The following RAI1 variants were observed in gnomAD, a reference collection of about 807,000 sequenced individuals.
The protein encoded by RAI1 is retinoic acid induced 1, also known as retinoic acid-induced protein 1.
Under a neutral mutation model 123.8 loss-of-function variants are expected in RAI1, and 9 were observed. The observed-to-expected ratio is 0.07, with a 90% CI of 0.04 to 0.13. The LOEUF (loss-of-function observed/expected upper bound fraction) is 0.13, where lower values mean the gene tolerates loss of function less well. RAI1 is among the 10% of genes least tolerant of loss of function. The pLI is 1.00. For missense variants in RAI1, 2,256 were observed against 2,545.8 expected, an observed-to-expected ratio of 0.89 and a Z score of 2.45; for synonymous variants, 1,231 against 1,127.3, an observed-to-expected ratio of 1.09 and a Z score of -1.84.
In RAI1 at chr17:17,811,403, G is replaced by GAAAAAA; in HGVS notation, c.*1435_*1440dup. On this transcript the variant is annotated 3_prime_UTR_variant, in exon 6 of 6. Transcript: ENST00000353383. ...GAGTAAAAAACAGTCATTGCATTCA[G>GAAAAAA]AAAAAAAAAAAAAAAAAAGTCAATA... 6.2e-6 allele frequency: 1 copy of GAAAAAA among 162,294 alleles called. No individual in the cohort carries two copies. The highest frequency in any genetic ancestry group is 1.3e-5 in the Non-Finnish European group (1 of 79,776). The allele number at this position is 162,294 out of a possible 1,614,324, so 10.1% of individuals were successfully genotyped here. A position where few individuals can be genotyped will look rare whatever the true frequency, so the allele number is the denominator to read the frequency against.
chr17:17,811,176 C>G lies in RAI1; in HGVS notation c.*1195C>G. 3.2e-6 allele frequency: 1 copy of G among 311,738 alleles called. No homozygotes were observed. The highest frequency in any genetic ancestry group is 6.3e-6 in the Non-Finnish European group (1 of 158,612). The allele number at this position is 311,738 out of a possible 1,614,324, so 19.3% of individuals were successfully genotyped here. ...AGCCCAGGGCCGCCCTAGCAACTTC[C>G]TGTACATATGACTGTAAAATGGTAA... On this transcript the variant is annotated 3_prime_UTR_variant, in exon 6 of 6. Transcript: ENST00000353383.
chr17:17,737,155 T>G (rs145328145), intron 2 of RAI1, among the ~76,000 whole-genome samples: 1 of 152,150 alleles, frequency 6.6e-6, no homozygotes, highest in Non-Finnish European at 1.5e-5. Context: ...AAGAAACAGG[T>G]CATTCTCAGA....
intron 1 of RAI1, among the ~76,000 whole-genome samples, chr17:17,691,223 G>A (rs746764470): frequency 1.1e-4 from 16 of 152,118 alleles, no homozygotes; most frequent in Non-Finnish European, 1.5e-4. Context: ...CAGCTGGGGA[G>A]GTGCTGCTGG....
Position 17,801,027 on chromosome 17 carries a change from G to A in RAI1, c.5565+2514G>A, listed in dbSNP as rs1206059100. ...GGGCTTGGGGTGCAGCTGTGTCCCT[G>A]GCCCCAGCACTGCCACACCCCTCGG... On this transcript the variant is annotated intron_variant, in intron 3 of 5. Transcript: ENST00000353383. The surrounding 1 kb of genome is among the most constrained non-coding windows in gnomAD (Gnocchi z 4.1). 6.6e-6 allele frequency among the ~76,000 whole-genome samples: 1 copy of A among 152,220 alleles called. No individual in the cohort carries two copies. Among genetic ancestry groups the A allele is most frequent in the Non-Finnish European group, 1.5e-5 (1 of 68,030 alleles).
At chr17:17,750,511 C>T (rs1180805811) in intron 2 of RAI1, among the ~76,000 whole-genome samples, 3 of 151,704 alleles carry the variant, frequency 2.0e-5, no homozygotes, top group South Asian at 2.1e-4. Flanking sequence ...CACCTGAGGT[C>T]GAGAGTTTGA....
chr17:17,774,611 G>A (rs1212686350), intron 2 of RAI1, among the ~76,000 whole-genome samples: 2 of 152,268 alleles, frequency 1.3e-5, no homozygotes, highest in East Asian at 1.9e-4. Context: ...CTGTGGGCTG[G>A]AGCCAGGTTT....
At position 17,808,386 on chromosome 17, in the gene RAI1, A is replaced by ATTATTTTATT. The variant is rs151001882; in HGVS notation, c.5660-983_5660-974dup. 1.9e-3 allele frequency among the ~76,000 whole-genome samples: 245 copies of ATTATTTTATT among 130,086 alleles called. 6 individuals carry two copies. The highest frequency in any genetic ancestry group is 7.4e-3 in the African/African-American group (223 of 30,080). The allele number at this position is 130,086 out of a possible 152,430, so 85.3% of individuals were successfully genotyped here. ...TTTATTTTATTTTATATTTTATTTTATTATTTTATTTTATTTTATTTTATT... is the reference window on the plus strand; with the variant it reads ...TTTATTTTATTTTATATTTTATTTTATTATTTTATTTTATTTTATTTTATTTTATTTTATT... On this transcript the variant is annotated intron_variant, in intron 4 of 5. Coordinates refer to ENST00000353383, the MANE Select transcript of RAI1 (RefSeq NM_030665.4).
rs1361964622 is a variant in RAI1, at chr17:17,800,304, A to G, written c.5565+1791A>G. ...ATCAAAAAATAATAACCCTCAGATC[A>G]CCAGCCCCAGCTGGCTGCCACCTCC... On this transcript the variant is annotated intron_variant, in intron 3 of 5. Transcript: ENST00000353383. The surrounding 1 kb of genome is among the most constrained non-coding windows in gnomAD (Gnocchi z 4.7). Among the ~76,000 whole-genome samples, 1 of 150,068 alleles carries G rather than the reference A, an allele frequency of 6.7e-6. No homozygotes were observed. The highest frequency in any genetic ancestry group is 2.5e-5 in the African/African-American group (1 of 40,646).
intron 1 of RAI1, among the ~76,000 whole-genome samples, chr17:17,690,664 C>T (rs117780115): frequency 6.6e-6 from 1 of 152,276 alleles, no homozygotes; most frequent in East Asian, 1.9e-4. Flanking sequence ...AATATTGTGC[C>T]TATTAGTGAT....
chr17:17,777,799 GC>G (rs1411072350), intron 2 of RAI1: 1 of 152,294 alleles, frequency 6.6e-6, no homozygotes, highest in African/African-American at 2.4e-5. Context: ...TGCAAGTTCA[GC>G]AGCATGAAAC....
rs773792703 is a variant in RAI1 at position 17,793,825 on chromosome 17, C to A, written c.877C>A (p.Leu293Ile). ...QQQQQQQQQA[L>I]QSRHHAQETL... ...GCAGCAGCAGCAGCAGCAGCAAGCC[C>A]TTCAGAGCCGGCACCATGCCCAGGA... Residue 293 changes from leucine (L) to isoleucine (I), a missense_variant, in exon 3 of 6, where the codon CTT becomes ATT. Physicochemically the swap from Leu to Ile is conservative, Grantham distance 5. Around this residue, in one of 7 missense-constraint regions of RAI1, gnomAD observed 357 missense variants for 480.2 expected, o/e 0.74. Coordinates refer to ENST00000353383, the MANE Select transcript of RAI1 (RefSeq NM_030665.4). 5 of 1,613,100 alleles carry A rather than the reference C, an allele frequency of 3.1e-6. No homozygotes were observed. In the South Asian group the frequency reaches 5.5e-5, roughly 18 times the overall value.
At chr17:17,692,870 AG>A (rs1242722105) in intron 1 of RAI1, among the ~76,000 whole-genome samples, 7 of 152,200 alleles carry the variant, frequency 4.6e-5, no homozygotes, top group Admixed American at 4.6e-4. Flanking sequence ...CCAGCTTGGC[AG>A]GGTGCAATAA....
rs373267008 is a variant in RAI1, at chr17:17,796,863, C to T, written c.3915C>T (p.Ala1305=). ...CCCCCGATGCCTGCCTCAAGCTCGCCTCTCGGGCAGCCTTCCAGGGGGCCA... is the reference window on the plus strand; with the variant it reads ...CCCCCGATGCCTGCCTCAAGCTCGCTTCTCGGGCAGCCTTCCAGGGGGCCA... ...PETPDACLKL[A]SRAAFQGAMK... Residue 1305 remains alanine, a synonymous_variant, in exon 3 of 6, where the codon GCC becomes GCT. Coordinates refer to ENST00000353383, the MANE Select transcript of RAI1 (RefSeq NM_030665.4). The surrounding 1 kb of genome is among the most constrained non-coding windows in gnomAD (Gnocchi z 5.8). 244 of 1,612,968 alleles carry T rather than the reference C, an allele frequency of 1.5e-4. No homozygotes were observed. The highest frequency in any genetic ancestry group is 1.9e-4 in the Non-Finnish European group (228 of 1,179,878).
rs1036224559 is a variant in RAI1 at position 17,799,907 on chromosome 17, C to T, written c.5565+1394C>T. Among the ~76,000 whole-genome samples, 7 of 152,200 alleles carry T rather than the reference C, an allele frequency of 4.6e-5. No individual in the cohort carries two copies. Among genetic ancestry groups the T allele is most frequent in the African/African-American group, 1.7e-4 (7 of 41,442 alleles). ...GGCCAAACCAAGGTCCCGGTGGGGG[C>T]CCACTGTGTTTGCCACCCACGCCTC... On this transcript the variant is annotated intron_variant, in intron 3 of 5. Transcript: ENST00000353383. The surrounding 1 kb of genome is among the most constrained non-coding windows in gnomAD (Gnocchi z 4.5).
chr17:17,725,867 G>C (rs1418892028), intron 2 of RAI1, among the ~76,000 whole-genome samples: 6 of 151,990 alleles, frequency 3.9e-5, no homozygotes, highest in East Asian at 1.9e-4. Context: ...TGAGAGGGAG[G>C]GGGGCGGCTA....
rs541106398 is a variant in RAI1 at position 17,809,093 on chromosome 17, G to A, written c.5660-297G>A. 30 of 499,094 alleles carry A rather than the reference G, an allele frequency of 6.0e-5. No homozygotes were observed. Among genetic ancestry groups the A allele is most frequent in the Non-Finnish European group, 9.2e-5 (25 of 271,420 alleles). 30.9% of individuals were successfully genotyped at this position (499,094 alleles called of 1,614,324 possible). On this transcript the variant is annotated intron_variant, in intron 4 of 5. Transcript: ENST00000353383. The surrounding 1 kb of genome is among the most constrained non-coding windows in gnomAD (Gnocchi z 4.9). ...GGCTGGCAGAGTAAGGCGGGAGGGAGGGAGGGACTGAGGGACTGCCTCAAG... is the reference window on the plus strand; with the variant it reads ...GGCTGGCAGAGTAAGGCGGGAGGGAAGGAGGGACTGAGGGACTGCCTCAAG...
intron 4 of RAI1, among the ~76,000 whole-genome samples, chr17:17,804,416 C>T (rs16962003): frequency 0.011 from 1,627 of 152,298 alleles, 26 homozygotes; most frequent in African/African-American, 0.035. Flanking sequence ...TCATTTGTTC[C>T]GCAAGCATTT....
rs144037689 is a variant in RAI1, at chr17:17,788,172, G to A, written c.-16-4761G>A. On this transcript the variant is annotated intron_variant, in intron 2 of 5. Coordinates refer to ENST00000353383, the MANE Select transcript of RAI1 (RefSeq NM_030665.4). ...AATGAGGAGGGATGCATATCCAAGC[G>A]TTGCCCACAGGGAGTGGTCTGGAGG... Among the ~76,000 whole-genome samples the A allele has an allele frequency of 3.2e-3, 489 of 152,222 alleles. 7 individuals carry two copies. Among genetic ancestry groups the A allele is most frequent in the East Asian group, 0.029 (152 of 5,178 alleles).
intron 1 of RAI1, among the ~76,000 whole-genome samples, chr17:17,719,685 ATCC>A (rs1009912481): frequency 3.5e-4 from 53 of 152,188 alleles, no homozygotes; most frequent in African/African-American, 1.1e-3. Context: ...CTTGCTCTGA[ATCC>A]TCAACACATA....
Sources: gnomAD v4.1 joint callset for allele counts (sites outside exome capture counted in the v4.1 genomes callset) on GRCh38, gnomAD v4.1.1 for gene constraint, gnomAD v4.1.1 regional missense constraint, Gnocchi (gnomAD v3.1) non-coding constraint, MANE v1.5 for transcripts, NCBI Gene and HGNC (gene_info 2026-07-23, HGNC 2026-07-21) for gene names.